Variants in SV2B observed in about 807,000 individuals in gnomAD.
SV2B encodes solute carrier family 22 member B2.
A neutral mutation model predicts 73.9 loss-of-function variants in SV2B; 41 were observed. The ratio of observed to expected loss-of-function variants is 0.56; its 90% CI spans 0.43 to 0.72. The LOEUF (loss-of-function observed/expected upper bound fraction) is 0.72, where lower values mean the gene tolerates loss of function less well. Among genes scored for constraint, SV2B ranks in the 30% least tolerant of loss-of-function variants. The pLI is 0.00. For missense variants in SV2B, 764 were observed against 857.8 expected (o/e 0.89, Z 1.37); for synonymous variants, 314 against 314.2 (o/e 1.00, Z 0.01).
intron 1 of SV2B, among the ~76,000 whole-genome samples, chr15:91,172,603 T>C (rs1039722927): frequency 6.6e-6 from 1 of 152,186 alleles, no homozygotes; most frequent in Non-Finnish European, 1.5e-5. Context: ...TGTGTCTCCT[T>C]CCAGGAAGTC....
At chr15:91,287,077 C>G (rs1336075760) in intron 11 of SV2B, among the ~76,000 whole-genome samples, 1 of 152,156 alleles carries the variant, frequency 6.6e-6, no homozygotes, top group African/African-American at 2.4e-5. Context: ...CCTGTAGATG[C>G]CAGTTTCCCC....
At position 91,203,211 on chromosome 15, in the gene SV2B, A is replaced by C. The variant is rs8043534; in HGVS notation, c.-391-22662A>C. Among the ~76,000 whole-genome samples the C allele has an allele frequency of 4.9e-3, 753 of 152,262 alleles. 6 individuals are homozygous for C. The highest frequency in any genetic ancestry group is 0.017 in the African/African-American group (715 of 41,554). On this transcript the variant is annotated intron_variant, in intron 1 of 12. Coordinates refer to ENST00000394232, the MANE Select transcript of SV2B (RefSeq NM_001323032.3). ...CTTGAGCTACAAGCCTTTCTCCTTG[A>C]GGACTTCCCCAGGTAGGGGCCTGGC...
intron 6 of SV2B, among the ~76,000 whole-genome samples, chr15:91,263,713 C>T (rs1014088143): frequency 6.6e-6 from 1 of 152,124 alleles, no homozygotes; most frequent in Non-Finnish European, 1.5e-5. Context: ...AAGACAGACA[C>T]ACAGACACAG....
chr15:91,224,723 C>T lies in SV2B; in HGVS notation c.-391-1150C>T, dbSNP rs1208807679. Among the ~76,000 whole-genome samples the T allele has an allele frequency of 6.6e-6, 1 of 152,138 alleles. No individual in the cohort carries two copies. The highest frequency in any genetic ancestry group is 1.9e-4 in the East Asian group (1 of 5,190). On this transcript the variant is annotated intron_variant, in intron 1 of 12. Transcript: ENST00000394232. The surrounding 1 kb of genome is among the most constrained non-coding windows in gnomAD (Gnocchi z 4.9). The stretch of plus-strand genomic sequence containing the variant: ...TTTGATTATCTCTCAAATGAAGATA[C>T]AGATGATTTTTTTTCTTTCTTTTTT...
In SV2B at chr15:91,281,870, G is replaced by A. The variant is rs766684555; in HGVS notation, c.1507+9G>A. The A allele has an allele frequency of 1.2e-6, 2 of 1,601,086 alleles. No individual in the cohort carries two copies. The highest frequency in any genetic ancestry group is 2.2e-5 in the East Asian group (1 of 44,622). On this transcript the variant is annotated intron_variant, in intron 10 of 12. Coordinates refer to ENST00000394232, the MANE Select transcript of SV2B (RefSeq NM_001323032.3). This position sits in a 1 kb window ranked among gnomAD's most constrained non-coding sequence, Gnocchi z 4.7. ...CATCTTTTACAACACAGGTAGGTAA[G>A]AACATTGACAGATTGAATAGAAAGT...
chr15:91,249,744 C>T (rs1211735824), intron 2 of SV2B, among the ~76,000 whole-genome samples: 4 of 152,328 alleles, frequency 2.6e-5, no homozygotes, highest in South Asian at 2.1e-4. Context: ...AAATTGCACA[C>T]AACCAGTTGT....
rs77735883 is a variant in SV2B at position 91,210,892 on chromosome 15, G to A, written c.-391-14981G>A. On this transcript the variant is annotated intron_variant, in intron 1 of 12. Coordinates refer to ENST00000394232, the MANE Select transcript of SV2B (RefSeq NM_001323032.3). ...AAAATATCTGTTCACTGGACTGTACGGGACATGAGGGCAGGAGCTTGTTTT... is the reference window on the plus strand; with the variant it reads ...AAAATATCTGTTCACTGGACTGTACAGGACATGAGGGCAGGAGCTTGTTTT... Among the ~76,000 whole-genome samples the A allele has an allele frequency of 0.011, 1,676 of 152,294 alleles. 43 individuals carry two copies. In the East Asian group the frequency reaches 0.12, roughly 11 times the overall value.
In SV2B at chr15:91,105,912, G is replaced by A. The variant is rs148469531; in HGVS notation, c.-392+5549G>A. Among the ~76,000 whole-genome samples the A allele has an allele frequency of 1.9e-3, 288 of 152,246 alleles. 2 individuals are homozygous for A. Among genetic ancestry groups the A allele is most frequent in the African/African-American group, 6.5e-3 (271 of 41,544 alleles). On this transcript the variant is annotated intron_variant, in intron 1 of 12. Coordinates refer to ENST00000394232, the MANE Select transcript of SV2B (RefSeq NM_001323032.3). The surrounding 1 kb of genome is among the most constrained non-coding windows in gnomAD (Gnocchi z 5.5). ...ACAAATAAAAAAATTAGCCAGGTGTGGTGGCACATGCCTGTAGCCCTAGCT... is the reference window on the plus strand; with the variant it reads ...ACAAATAAAAAAATTAGCCAGGTGTAGTGGCACATGCCTGTAGCCCTAGCT...
intron 1 of SV2B, among the ~76,000 whole-genome samples, chr15:91,205,240 C>G (rs746274344): frequency 3.9e-5 from 6 of 152,104 alleles, no homozygotes; most frequent in South Asian, 2.1e-4. Flanking sequence ...TTTATTCAAG[C>G]GTGAAGTGTG....
chr15:91,156,764 C>T (rs1186037640), intron 1 of SV2B, among the ~76,000 whole-genome samples: 1 of 152,204 alleles, frequency 6.6e-6, no homozygotes, highest in African/African-American at 2.4e-5. Flanking sequence ...CTCAATATCA[C>T]CTGCCTTGAT....
rs773148404 is a variant in SV2B at position 91,267,156 on chromosome 15, A to C, written c.1120-399A>C. The stretch of plus-strand genomic sequence containing the variant: ...AGCTATTGAGCACTGAGGCAGCCAG[A>C]CAGCCAGCGTCTATTGGGACTGGTT... On this transcript the variant is annotated intron_variant, in intron 7 of 12. Transcript: ENST00000394232. The surrounding 1 kb of genome is among the most constrained non-coding windows in gnomAD (Gnocchi z 4.3). Among the ~76,000 whole-genome samples the C allele has an allele frequency of 1.3e-5, 2 of 152,228 alleles. No homozygotes were observed. The highest frequency in any genetic ancestry group is 2.9e-5 in the Non-Finnish European group (2 of 68,038).
chr15:91,220,520 A>G lies in SV2B; in HGVS notation c.-391-5353A>G, dbSNP rs1052833199. On this transcript the variant is annotated intron_variant, in intron 1 of 12. Transcript: ENST00000394232. This position sits in a 1 kb window ranked among gnomAD's most constrained non-coding sequence, Gnocchi z 4.1. Reference sequence around the variant, plus strand: ...CAGAACAGATTTTGGGAAGCATTACATCATTTGATTGTAATATTTTTAACT... The same window carrying G: ...CAGAACAGATTTTGGGAAGCATTACGTCATTTGATTGTAATATTTTTAACT... 1.3e-5 allele frequency among the ~76,000 whole-genome samples: 2 copies of G among 152,262 alleles called. No individual in the cohort carries two copies. The highest frequency in any genetic ancestry group is 2.9e-5 in the Non-Finnish European group (2 of 68,044).
At chr15:91,275,252 A>C (rs2048445963) in intron 9 of SV2B, among the ~76,000 whole-genome samples, 1 of 152,006 alleles carries the variant, frequency 6.6e-6, no homozygotes, top group African/African-American at 2.4e-5. Flanking sequence ...ATTCCATTTT[A>C]CGTTCACTAT....
intron 1 of SV2B, among the ~76,000 whole-genome samples, chr15:91,193,859 C>T (rs1006009087): frequency 1.3e-5 from 2 of 152,188 alleles, no homozygotes; most frequent in African/African-American, 4.8e-5. Context: ...TTTTTTCCTA[C>T]ATATTCCATC....
At chr15:91,179,376 T>C (rs1277582169) in intron 1 of SV2B, among the ~76,000 whole-genome samples, 2 of 152,220 alleles carry the variant, frequency 1.3e-5, no homozygotes, top group African/African-American at 2.4e-5. Context: ...TTTGTTGATT[T>C]GGGGTGGAGA....
rs182979062 is a variant in SV2B at position 91,247,270 on chromosome 15, T to C, written c.452-4549T>C. Among the ~76,000 whole-genome samples, 335 of 152,302 alleles carry C rather than the reference T, an allele frequency of 2.2e-3. 2 individuals carry two copies. Among genetic ancestry groups the C allele is most frequent in the Non-Finnish European group, 3.7e-3 (252 of 68,010 alleles). The stretch of plus-strand genomic sequence containing the variant: ...GGTTCTGGGCAAGTTATTGACCCTT[T>C]CTGGGGCTCAGCCTCCTCGTCTGGT... On this transcript the variant is annotated intron_variant, in intron 2 of 12. Transcript: ENST00000394232.
rs1014241891 is a variant in SV2B at position 91,230,948 on chromosome 15, G to A, written c.451+4234G>A. Among the ~76,000 whole-genome samples the A allele has an allele frequency of 3.9e-5, 6 of 152,288 alleles. No individual in the cohort carries two copies. The East Asian group carries it at 7.7e-4, about 20-fold the overall frequency. On this transcript the variant is annotated intron_variant, in intron 2 of 12. Transcript: ENST00000394232. ...GAGCTTGAGGTTGATGGGCTGGGGGGCGTTCTGGAGTTAGGTGATTTGTTT... is the reference window on the plus strand; with the variant it reads ...GAGCTTGAGGTTGATGGGCTGGGGGACGTTCTGGAGTTAGGTGATTTGTTT...
chr15:91,148,629 AG>A (rs1414034291), intron 1 of SV2B, among the ~76,000 whole-genome samples: 3 of 152,210 alleles, frequency 2.0e-5, no homozygotes. Flanking sequence ...CACAGTCAAT[AG>A]GGAATATTTA....
At chr15:91,169,019 A>C (rs1226431588) in intron 1 of SV2B, among the ~76,000 whole-genome samples, 1 of 152,148 alleles carries the variant, frequency 6.6e-6, no homozygotes, top group African/African-American at 2.4e-5. Flanking sequence ...AGATGATTTA[A>C]ATTTTTTTAA....
Sources: allele counts gnomAD v4.1 joint callset (sites outside exome capture counted in the v4.1 genomes callset), GRCh38; gene constraint gnomAD v4.1.1; non-coding constraint Gnocchi (gnomAD v3.1); transcripts MANE v1.5; gene names NCBI Gene and HGNC (gene_info 2026-07-23, HGNC 2026-07-21).